The following PHKA1 variants were observed in gnomAD, a reference collection of about 807,000 sequenced individuals.
PHKA1 encodes phosphorylase b kinase regulatory subunit alpha, skeletal muscle isoform.
Under a neutral mutation model 110.2 loss-of-function variants are expected in PHKA1, and 60 were observed. The observed-to-expected ratio is 0.54, with a 90% CI of 0.44 to 0.68. The LOEUF is 0.68. Among genes scored for constraint, PHKA1 ranks in the 30% least tolerant of loss-of-function variants. The probability of loss-of-function intolerance (pLI) is 0.00; values close to 1 mark genes in which losing one functional copy is unlikely to be tolerated. For missense variants in PHKA1, 801 were observed against 942.5 expected, an observed-to-expected ratio of 0.85 and a Z score of 1.97; for synonymous variants, 316 against 333.6, an observed-to-expected ratio of 0.95 and a Z score of 0.58.
At chrX:72,654,802 T>C (rs1403677248) in intron 10 of PHKA1, among the ~76,000 whole-genome samples, 39 of 105,956 alleles carry the variant, frequency 3.7e-4, no homozygotes, top group Non-Finnish European at 6.3e-4. Flanking sequence ...TGGTGATTTT[T>C]TTTTTTTTTT....
rs2053400790 is a variant in PHKA1 at position 72,649,405 on chromosome X, T to C, written c.1324+985A>G. On this transcript the variant is annotated intron_variant, in intron 13 of 31. Transcript: ENST00000373542. ...GGAAGGTAGAACGATTTGCATTTCT[T>C]AGGAGAGGAAAAGGATGGGATGGAG... 2.7e-5 allele frequency among the ~76,000 whole-genome samples: 3 copies of C among 111,329 alleles called. No homozygotes were observed. In the Admixed American group the frequency reaches 2.9e-4, roughly 11 times the overall value.
intron 8 of PHKA1, among the ~76,000 whole-genome samples, chrX:72,665,724 G>A (rs782641903): frequency 2.7e-5 from 3 of 111,842 alleles, no homozygotes; most frequent in Non-Finnish European, 5.6e-5. Context: ...TTTTATTGTT[G>A]AGCAGTATTC....
In PHKA1 at chrX:72,640,009, T is replaced by C. The variant is rs1465874033; in HGVS notation, c.1460-3623A>G. On this transcript the variant is annotated intron_variant, in intron 14 of 31. Transcript: ENST00000373542. The stretch of plus-strand genomic sequence containing the variant: ...GTTACTTGGCAAAAAGTCAGATTTT[T>C]ACCTCATTGGATAAACTAAAATTAA... Among the ~76,000 whole-genome samples the C allele has an allele frequency of 4.5e-5, 5 of 112,051 alleles. No individual in the cohort carries two copies. In the Admixed American group the frequency reaches 4.7e-4, roughly 11 times the overall value.
chrX:72,662,721 A>G (rs1303669975), intron 8 of PHKA1, among the ~76,000 whole-genome samples: 1 of 111,745 alleles, frequency 8.9e-6, no homozygotes, highest in Non-Finnish European at 1.9e-5. Context: ...GCCCACCCCT[A>G]GCAAAGCTAC....
intron 8 of PHKA1, among the ~76,000 whole-genome samples, chrX:72,661,020 T>C (rs1297095841): frequency 1.1e-4 from 12 of 112,372 alleles, no homozygotes; most frequent in African/African-American, 3.9e-4. Flanking sequence ...AGTTCCAAGC[T>C]TCAAAGAAAT....
intron 16 of PHKA1, among the ~76,000 whole-genome samples, chrX:72,633,371 A>G (rs2053190325): frequency 9.0e-6 from 1 of 111,391 alleles, no homozygotes; most frequent in Non-Finnish European, 1.9e-5. Flanking sequence ...TCTGCTGCAG[A>G]GGATGAAGCA....
At chrX:72,622,152 AC>A (rs2052988355) in intron 18 of PHKA1, 1 of 751,311 alleles carries the variant, frequency 1.3e-6, no homozygotes, top group Non-Finnish European at 1.6e-6. Context: ...TTTAGATCTT[AC>A]AAAAACAAAC....
At chrX:72,666,381 A>C in intron 7 of PHKA1, 84 bp from the exon 8 acceptor site, 1 of 801,042 alleles carries the variant, frequency 1.2e-6, no homozygotes. Flanking sequence ...ACATGATATC[A>C]CTTTTGAATA....
rs2052324002 is a variant in PHKA1, at chrX:72,580,750, A to G, written c.*252T>C. The G allele has an allele frequency of 2.4e-6, 1 of 418,359 alleles. No individual in the cohort carries two copies. The highest frequency in any genetic ancestry group is 4.2e-6 in the Non-Finnish European group (1 of 240,235). The allele number at this position is 418,359 out of a possible 1,213,427, so 34.5% of individuals were successfully genotyped here. On this transcript the variant is annotated 3_prime_UTR_variant, in exon 32 of 32. Coordinates refer to ENST00000373542, the MANE Select transcript of PHKA1 (RefSeq NM_002637.4). ...ATGAATGATGAAAGAAATAAAGCCA[A>G]TCATGACAGGCCTGGCTGAGTGTTC...
chrX:72,622,996 G>T, intron 18 of PHKA1, 113 bp downstream of exon 18: 1 of 1,167,569 alleles, frequency 8.6e-7, no homozygotes, highest in Non-Finnish European at 1.1e-6. Flanking sequence ...TAGAGATCTA[G>T]AGTGAGGATA....
intron 13 of PHKA1, among the ~76,000 whole-genome samples, chrX:72,647,089 G>A (rs1396398774): frequency 1.9e-5 from 2 of 107,988 alleles, no homozygotes; most frequent in African/African-American, 6.8e-5. Context: ...CTGAGATTGC[G>A]CCACTGCACT....
At chrX:72,710,836 T>A (rs1430077779) in intron 2 of PHKA1, among the ~76,000 whole-genome samples, 59 of 106,070 alleles carry the variant, frequency 5.6e-4, no homozygotes, top group African/African-American at 1.8e-3. Flanking sequence ...TTTTTTATTT[T>A]TTTATTTTTT....
chrX:72,646,343 A>ATTT (rs782718250), intron 13 of PHKA1, among the ~76,000 whole-genome samples: 76 of 111,418 alleles, frequency 6.8e-4, no homozygotes, highest in African/African-American at 2.4e-3. Flanking sequence ...CAAGCAACTC[A>ATTT]TTTTTTTGTT....
intron 21 of PHKA1, among the ~76,000 whole-genome samples, chrX:72,614,906 A>T (rs1416639484): frequency 1.8e-5 from 2 of 110,080 alleles, no homozygotes; most frequent in Non-Finnish European, 3.8e-5. Context: ...GACTTTAGAC[A>T]TGTTCAATAG....
chrX:72,580,930 T>G lies in PHKA1; in HGVS notation c.*72A>C, dbSNP rs1470739739. On this transcript the variant is annotated 3_prime_UTR_variant, in exon 32 of 32. Coordinates refer to ENST00000373542, the MANE Select transcript of PHKA1 (RefSeq NM_002637.4). ...TTGGAGTGATTAGGCAATAACATTTTAGTTCCATGCACAATCAACCGAGGC... is the reference window on the plus strand; with the variant it reads ...TTGGAGTGATTAGGCAATAACATTTGAGTTCCATGCACAATCAACCGAGGC... 3.2e-5 allele frequency: 30 copies of G among 944,381 alleles called. No individual in the cohort carries two copies. In the Admixed American group the frequency reaches 5.4e-4, roughly 17 times the overall value. 77.8% of individuals were successfully genotyped at this position (944,381 alleles called of 1,213,427 possible). A position where few individuals can be genotyped will look rare whatever the true frequency, so the allele number is the denominator to read the frequency against.
intron 2 of PHKA1, 58 bp downstream of exon 2, chrX:72,712,721 G>A: frequency 5.4e-6 from 6 of 1,104,324 alleles, no homozygotes; most frequent in Non-Finnish European, 7.5e-6. Context: ...TCCCCACTCT[G>A]CCCCCAACCC....
chrX:72,620,871 A>ATTTAGATCACGAGC lies in PHKA1; in HGVS notation c.1990_1991insGCTCGTGATCTAAA (p.Leu664CysfsTer3), dbSNP rs1556276812. 1.7e-6 allele frequency: 2 copies of ATTTAGATCACGAGC among 1,211,313 alleles called. No individual in the cohort carries two copies. The highest frequency in any genetic ancestry group is 5.9e-5 in the East Asian group (2 of 33,839). On this transcript the variant is annotated stop_gained and frameshift_variant, in exon 19 of 32. Coordinates refer to ENST00000373542, the MANE Select transcript of PHKA1 (RefSeq NM_002637.4). LOFTEE classifies it high-confidence loss of function. The stretch of plus-strand genomic sequence containing the variant: ...AGCAGTGTGCGCCAAAAGGTGATCT[A>ATTTAGATCACGAGC]AATAACGAGCAACTTCATCACCACA...
intron 31 of PHKA1, 111 bp from the exon 32 acceptor site, chrX:72,581,286 T>C: frequency 1.8e-6 from 1 of 548,131 alleles, no homozygotes; most frequent in Non-Finnish European, 3.3e-6. Flanking sequence ...CACCAATTAG[T>C]TGGGCCCTAG....
At chrX:72,623,827 T>C (rs1556280914) in intron 17 of PHKA1, among the ~76,000 whole-genome samples, 1 of 111,834 alleles carries the variant, frequency 8.9e-6, no homozygotes, top group African/African-American at 3.2e-5. Context: ...GGCCACACCT[T>C]GGATAATTAA....
Sources: gnomAD v4.1 joint callset for allele counts (sites outside exome capture counted in the v4.1 genomes callset) on GRCh38, gnomAD v4.1.1 for gene constraint, MANE v1.5 for transcripts, NCBI Gene and HGNC (gene_info 2026-07-23, HGNC 2026-07-21) for gene names.